Variants in PHACTR2 observed in about 807,000 individuals in gnomAD.
PHACTR2 encodes phosphatase and actin regulator 2.
Under a neutral mutation model 76.0 loss-of-function variants are expected in PHACTR2, and 30 were observed. The ratio of observed to expected loss-of-function variants is 0.39; its 90% CI spans 0.30 to 0.54. The LOEUF is 0.54. PHACTR2 is among the 20% of genes least tolerant of loss of function. PHACTR2 has a pLI of 0.61. For synonymous variants in PHACTR2, 292 were observed against 292.5 expected, an observed-to-expected ratio of 1.00 and a Z score of 0.02; for missense variants, 696 against 781.1, an observed-to-expected ratio of 0.89 and a Z score of 1.30.
At chr6:143,781,948 A>C (rs1439462567) in intron 9 of PHACTR2, among the ~76,000 whole-genome samples, 1 of 152,248 alleles carries the variant, frequency 6.6e-6, no homozygotes, top group African/African-American at 2.4e-5. Context: ...TCAGAAGAAC[A>C]TAGAAACTTT....
At chr6:143,718,874 T>G in intron 2 of PHACTR2, among the ~76,000 whole-genome samples, 1 of 147,960 alleles carries the variant, frequency 6.8e-6, no homozygotes, top group African/African-American at 2.5e-5. Context: ...AAGTTGGAAG[T>G]GTTTTTTTTT....
At chr6:143,726,339 G>C (rs1778570666) in intron 2 of PHACTR2, among the ~76,000 whole-genome samples, 1 of 152,158 alleles carries the variant, frequency 6.6e-6, no homozygotes. Context: ...GTGCAGCTCA[G>C]TAGTGTTCAA....
chr6:143,586,461 A>G (rs1289428017), intron 1 of PHACTR2, among the ~76,000 whole-genome samples: 3 of 152,196 alleles, frequency 2.0e-5, no homozygotes, highest in Non-Finnish European at 4.4e-5. Context: ...CCCAAAGTGG[A>G]GCTTAGCCCA....
At chr6:143,673,640 C>T (rs1332568497), upstream of PHACTR2, among the ~76,000 whole-genome samples, 1 of 151,994 alleles carries the variant, frequency 6.6e-6, no homozygotes, top group Non-Finnish European at 1.5e-5. Flanking sequence ...CTTTGTTTTG[C>T]TTATGAAATG....
Position 143,772,815 on chromosome 6 carries a change from T to C in PHACTR2, c.1432+358T>C, listed in dbSNP as rs987480002. Among the ~76,000 whole-genome samples, 4 of 152,330 alleles carry C rather than the reference T, an allele frequency of 2.6e-5. No homozygotes were observed. Among genetic ancestry groups the C allele is most frequent in the Middle Eastern group, 3.4e-3 (1 of 294 alleles). On this transcript the variant is annotated intron_variant, in intron 7 of 12. Transcript: ENST00000440869. This position sits in a 1 kb window ranked among gnomAD's most constrained non-coding sequence, Gnocchi z 5.4. ...TGGGCCTGTTGTTGAAGAAAGAAAG[T>C]CAGTGCAGATTCATAGGCTTACTCA...
intron 1 of PHACTR2, among the ~76,000 whole-genome samples, chr6:143,649,858 G>C (rs1002768536): frequency 1.3e-5 from 2 of 152,154 alleles, no homozygotes; most frequent in Admixed American, 1.3e-4. Flanking sequence ...TCAGGCAAGA[G>C]AAAGAAATAA....
intron 1 of PHACTR2, among the ~76,000 whole-genome samples, chr6:143,667,588 C>T (rs1777062511): frequency 6.6e-6 from 1 of 152,178 alleles, no homozygotes. Context: ...AGAGGTCCTT[C>T]ACATCCCTTG....
intron 1 of PHACTR2, among the ~76,000 whole-genome samples, chr6:143,704,435 G>A (rs959649988): frequency 6.6e-6 from 1 of 152,174 alleles, no homozygotes; most frequent in Non-Finnish European, 1.5e-5. Flanking sequence ...GTAAAAGACA[G>A]TAGGCACCGA....
Position 143,790,864 on chromosome 6 carries a change from A to G in PHACTR2, c.1845+1954A>G, listed in dbSNP as rs373536042. 3.1e-3 allele frequency among the ~76,000 whole-genome samples: 477 copies of G among 152,198 alleles called. 4 individuals are homozygous for G. Among genetic ancestry groups the G allele is most frequent in the African/African-American group, 0.011 (456 of 41,542 alleles). On this transcript the variant is annotated intron_variant, in intron 11 of 12. Coordinates refer to ENST00000440869, the MANE Select transcript of PHACTR2 (RefSeq NM_001100164.2). ...ATTTTTTACAAAATATTTTTAGTAG[A>G]GATGGGGTTTCACCGTGTTAGCCAG...
At chr6:143,693,212 A>G (rs1777687284) in intron 1 of PHACTR2, among the ~76,000 whole-genome samples, 1 of 151,114 alleles carries the variant, frequency 6.6e-6, no homozygotes, top group Admixed American at 6.6e-5. Flanking sequence ...AATTCAGCCC[A>G]TAGTAGTGTC....
chr6:143,785,663 CCCATGGCAAACTT>C (rs1458923737), intron 10 of PHACTR2, among the ~76,000 whole-genome samples: 2 of 152,164 alleles, frequency 1.3e-5, no homozygotes, highest in Admixed American at 6.6e-5. Flanking sequence ...CCCAACCCTG[CCCATGGCAAACTT>C]TGGCCTGGGC....
At chr6:143,657,959 G>C (rs1276095063) in intron 1 of PHACTR2, among the ~76,000 whole-genome samples, 1 of 152,106 alleles carries the variant, frequency 6.6e-6, no homozygotes, top group East Asian at 1.9e-4. Flanking sequence ...TCTGAGGGGG[G>C]GTCCAGGCAG....
chr6:143,734,190 T>C (rs1477924784), intron 2 of PHACTR2, among the ~76,000 whole-genome samples: 1 of 152,246 alleles, frequency 6.6e-6, no homozygotes, highest in Non-Finnish European at 1.5e-5. Context: ...TGTGCATTTG[T>C]CATAATTGAA....
At position 143,683,480 on chromosome 6, in the gene PHACTR2, A is replaced by C. The variant is rs1562268735; in HGVS notation, c.46+5271A>C. Among the ~76,000 whole-genome samples, 1 of 152,190 alleles carries C rather than the reference A, an allele frequency of 6.6e-6. No homozygotes were observed. Among genetic ancestry groups the C allele is most frequent in the Non-Finnish European group, 1.5e-5 (1 of 68,028 alleles). On this transcript the variant is annotated intron_variant, in intron 1 of 12. Coordinates refer to ENST00000440869, the MANE Select transcript of PHACTR2 (RefSeq NM_001100164.2). The surrounding 1 kb of genome is among the most constrained non-coding windows in gnomAD (Gnocchi z 4.1). ...CATTTTCACGGTGCCACAGATCAGCACTTGGCTGCTTCTCCTCAATCCTTG... is the reference window on the plus strand; with the variant it reads ...CATTTTCACGGTGCCACAGATCAGCCCTTGGCTGCTTCTCCTCAATCCTTG...
In PHACTR2 at chr6:143,704,397, ACT is replaced by A. The variant is rs1284493909; in HGVS notation, c.47-7616_47-7615del. 3.9e-5 allele frequency among the ~76,000 whole-genome samples: 6 copies of A among 152,010 alleles called. No homozygotes were observed. In the East Asian group the frequency reaches 1.2e-3, roughly 29 times the overall value. Reference sequence around the variant, plus strand: ...AGTCTGAAGTATATTACTTTCCAAAACTCTTTCAGCTGAAATCTTTACTGTTG... The same window carrying A: ...AGTCTGAAGTATATTACTTTCCAAAACTTTCAGCTGAAATCTTTACTGTTG... On this transcript the variant is annotated intron_variant, in intron 1 of 12. Coordinates refer to ENST00000440869, the MANE Select transcript of PHACTR2 (RefSeq NM_001100164.2).
intron 1 of PHACTR2, among the ~76,000 whole-genome samples, chr6:143,567,876 G>T (rs374305899): frequency 6.6e-6 from 1 of 152,186 alleles, no homozygotes; most frequent in African/African-American, 2.4e-5. Flanking sequence ...AAGAGAAGGG[G>T]TTTTAAAAAC....
chr6:143,760,524 G>GGGC lies in PHACTR2; in HGVS notation c.579_581dup (p.Ala194dup). ...GTGCCTCCGAAAGGGGCCACTGCTG[G>GGGC]GGCCAGCCACAAAGGTGATGAAGTG... On this transcript the variant is annotated inframe_insertion, in exon 5 of 13. Transcript: ENST00000440869. This position sits in a 1 kb window ranked among gnomAD's most constrained non-coding sequence, Gnocchi z 6.4. 1.9e-6 allele frequency: 3 copies of GGGC among 1,613,860 alleles called. No homozygotes were observed. The highest frequency in any genetic ancestry group is 2.5e-6 in the Non-Finnish European group (3 of 1,179,862).
intron 2 of PHACTR2, 168 bp downstream of exon 2, chr6:143,712,351 G>T: frequency 2.7e-6 from 1 of 375,974 alleles, no homozygotes. Flanking sequence ...TAAGAGTTCT[G>T]ATTTGCCTTC....
chr6:143,577,472 A>G (rs1775527805), intron 1 of PHACTR2, among the ~76,000 whole-genome samples: 1 of 152,188 alleles, frequency 6.6e-6, no homozygotes, highest in African/African-American at 2.4e-5. Flanking sequence ...ATTATGTAAG[A>G]TTTTGACTTA....
Sources: allele counts gnomAD v4.1 joint callset (sites outside exome capture counted in the v4.1 genomes callset), GRCh38; gene constraint gnomAD v4.1.1; non-coding constraint Gnocchi (gnomAD v3.1); transcripts MANE v1.5; gene names NCBI Gene and HGNC (gene_info 2026-07-23, HGNC 2026-07-21).